CXADR: variants seen among roughly 807,000 people sequenced by gnomAD.
The protein encoded by CXADR is CXADR cell adhesion molecule.
In CXADR, 20 loss-of-function variants were observed where a neutral mutation model predicts 40.3. That is an observed-to-expected ratio of 0.50 (90% CI 0.35 to 0.72). CXADR has a LOEUF of 0.72. Among genes scored for constraint, CXADR ranks in the 30% least tolerant of loss-of-function variants. The pLI is 0.01. For synonymous variants in CXADR, 150 were observed against 161.3 expected (o/e 0.93, Z 0.53); for missense variants, 332 against 449.1 (o/e 0.74, Z 2.36).
chr21:17,546,007 G>A (rs1234246429), intron 1 of CXADR, among the ~76,000 whole-genome samples: 1 of 152,118 alleles, frequency 6.6e-6, no homozygotes, highest in African/African-American at 2.4e-5. Flanking sequence ...TCGAACTCCT[G>A]ACTTCAGATG....
At chr21:17,625,870 C>T in the CXADR span, among the ~76,000 whole-genome samples, 1 of 152,122 alleles carries the variant, frequency 6.6e-6, no homozygotes, top group Admixed American at 6.5e-5. Context: ...TAGCTCTGTT[C>T]TTTTTTACTT....
chr21:17,633,926 A>T, the CXADR span, among the ~76,000 whole-genome samples: 11 of 152,290 alleles, frequency 7.2e-5, no homozygotes, highest in Non-Finnish European at 1.5e-4. Context: ...ATAAATTTGT[A>T]TGCCTGTTCT....
Position 17,568,666 on chromosome 21 carries a change from C to T in CXADR, c.*2974C>T, listed in dbSNP as rs889342588. The T allele has an allele frequency of 9.1e-6, 9 of 984,110 alleles. No individual in the cohort carries two copies. Among genetic ancestry groups the T allele is most frequent in the Non-Finnish European group, 1.1e-5 (9 of 829,850 alleles). The allele number at this position is 984,110 out of a possible 1,614,324, so 61.0% of individuals were successfully genotyped here. On this transcript the variant is annotated 3_prime_UTR_variant, in exon 7 of 7. Transcript: ENST00000284878. The stretch of plus-strand genomic sequence containing the variant: ...TTGGCCTCCCAAATTGCTGGGATTA[C>T]AGGTGTGAGCCGCAGCATCCAGCCA...
chr21:17,575,223 T>C (rs757246962), intron 7 of CXADR, among the ~76,000 whole-genome samples: 2 of 152,136 alleles, frequency 1.3e-5, no homozygotes, highest in Non-Finnish European at 2.9e-5. Flanking sequence ...CTTGCTCTAT[T>C]GCCCAGGTCG....
In CXADR at chr21:17,575,927, A is replaced by G. The variant is rs192208326; in HGVS notation, c.1017+10316A>G. ...ACATGGTGAAACCCTGTCTCTACTAAAAATACAAAAATTAGCCAGGCATGG... is the reference window on the plus strand; with the variant it reads ...ACATGGTGAAACCCTGTCTCTACTAGAAATACAAAAATTAGCCAGGCATGG... On this transcript the variant is annotated intron_variant, in intron 7 of 7. Coordinates refer to the CXADR transcript ENST00000400169. 6.9e-3 allele frequency among the ~76,000 whole-genome samples: 1,045 copies of G among 151,498 alleles called. 5 individuals carry two copies. The highest frequency in any genetic ancestry group is 0.024 in the African/African-American group (993 of 41,334).
chr21:17,537,174 TG>T (rs1295716258), intron 1 of CXADR, among the ~76,000 whole-genome samples: 5 of 152,266 alleles, frequency 3.3e-5, no homozygotes, highest in African/African-American at 1.2e-4. Flanking sequence ...TCCACACATG[TG>T]GACTGATTTG....
At chr21:17,551,643 G>A (rs894102298) in intron 2 of CXADR, 106 bp from the exon 3 acceptor site, 3 of 890,336 alleles carry the variant, frequency 3.4e-6, no homozygotes, top group Non-Finnish European at 5.1e-6. Flanking sequence ...TTTCTTTTCT[G>A]GGAGGGGGCG....
chr21:17,606,060 C>T, the CXADR span, among the ~76,000 whole-genome samples: 1 of 151,954 alleles, frequency 6.6e-6, no homozygotes, highest in Non-Finnish European at 1.5e-5. Flanking sequence ...AAAAAGTTCT[C>T]AACAGGTAAT....
Position 17,558,969 on chromosome 21 carries a change from C to CT in CXADR, c.416-4dup. 3.1e-6 allele frequency: 5 copies of CT among 1,602,098 alleles called. No homozygotes were observed. The highest frequency in any genetic ancestry group is 4.3e-6 in the Non-Finnish European group (5 of 1,175,006). On this transcript the variant is annotated splice_polypyrimidine_tract_variant and splice_region_variant and intron_variant, in intron 3 of 6. Coordinates refer to ENST00000284878, the MANE Select transcript of CXADR (RefSeq NM_001338.5). The stretch of plus-strand genomic sequence containing the variant: ...TATGTAAATTTATAATTTGTTTTCT[C>CT]TTTCAGTTAAGCCTTCAGGTGCGAG...
intron 7 of CXADR, among the ~76,000 whole-genome samples, chr21:17,586,302 A>C (rs2061395281): frequency 6.6e-6 from 1 of 150,996 alleles, no homozygotes; most frequent in Non-Finnish European, 1.5e-5. Flanking sequence ...TGAAAATTTA[A>C]AATTTTTTCC....
rs923684717 is a variant in CXADR, at chr21:17,566,127, C to T, written c.*435C>T. On this transcript the variant is annotated 3_prime_UTR_variant, in exon 7 of 7. Transcript: ENST00000284878. ...CATTTATTTATGGCCCACCAGTCTC[C>T]CCCAAATTAGTACAGAAATATCCAT... 4.1e-6 allele frequency: 4 copies of T among 984,558 alleles called. No individual in the cohort carries two copies. The African/African-American group carries it at 5.2e-5, about 13-fold the overall frequency. The allele number at this position is 984,558 out of a possible 1,614,324, so 61.0% of individuals were successfully genotyped here.
chr21:17,551,393 AAAAAG>A (rs1450947275), intron 2 of CXADR, among the ~76,000 whole-genome samples: 2 of 141,308 alleles, frequency 1.4e-5, no homozygotes, highest in Non-Finnish European at 2.9e-5. Context: ...ACTCCACCTC[AAAAAG>A]AAAAGAAAAG....
chr21:17,580,798 T>C (rs1264332234), intron 7 of CXADR, among the ~76,000 whole-genome samples: 3 of 152,178 alleles, frequency 2.0e-5, no homozygotes, highest in African/African-American at 7.2e-5. Context: ...TCACCCAGGC[T>C]GGAGTGCAGA....
At chr21:17,560,398 G>A (rs936072969) in intron 4 of CXADR, among the ~76,000 whole-genome samples, 27 of 152,170 alleles carry the variant, frequency 1.8e-4, no homozygotes, top group East Asian at 1.3e-3. Context: ...ATGCGGTAGC[G>A]TTTATAGTCT....
intron 1 of CXADR, among the ~76,000 whole-genome samples, chr21:17,532,875 G>A (rs960918145): frequency 6.6e-6 from 1 of 152,106 alleles, no homozygotes; most frequent in Non-Finnish European, 1.5e-5. Context: ...ATCTAGTCAC[G>A]GAGAGGCTAG....
the CXADR span, among the ~76,000 whole-genome samples, chr21:17,625,344 A>C: frequency 6.6e-6 from 1 of 152,300 alleles, no homozygotes; most frequent in African/African-American, 2.4e-5. Flanking sequence ...AATTTATTGC[A>C]GATTTCAAAA....
At chr21:17,527,802 T>TTATG (rs2060615794) in intron 1 of CXADR, among the ~76,000 whole-genome samples, 1 of 151,494 alleles carries the variant, frequency 6.6e-6, no homozygotes, top group East Asian at 1.9e-4. Context: ...TTTTTTATTT[T>TTATG]TATTTATTTA....
At chr21:17,535,383 G>C (rs956240703) in intron 1 of CXADR, among the ~76,000 whole-genome samples, 2 of 151,742 alleles carry the variant, frequency 1.3e-5, no homozygotes, top group Admixed American at 1.3e-4. Context: ...TTTTTTGTAG[G>C]TATGAATTCT....
At chr21:17,606,753 A>C in the CXADR span, among the ~76,000 whole-genome samples, 1 of 152,290 alleles carries the variant, frequency 6.6e-6, no homozygotes, top group East Asian at 1.9e-4. Context: ...AGTTGCATAA[A>C]AATATTCTAT....
Sources: allele counts gnomAD v4.1 joint callset (sites outside exome capture counted in the v4.1 genomes callset), GRCh38; gene constraint gnomAD v4.1.1; transcripts MANE v1.5; gene names NCBI Gene and HGNC (gene_info 2026-07-23, HGNC 2026-07-21).